The following SBF2 variants were observed in gnomAD, a reference collection of about 807,000 sequenced individuals.
The protein encoded by SBF2 is myotubularin-related protein 13.
In SBF2, 112 loss-of-function variants were observed where a neutral mutation model predicts 225.2. The observed-to-expected ratio is 0.50, with a 90% confidence interval of 0.43 to 0.58. The LOEUF (loss-of-function observed/expected upper bound fraction) is 0.58, where lower values mean the gene tolerates loss of function less well. Among genes scored for constraint, SBF2 ranks in the 20% least tolerant of loss-of-function variants. The pLI is 0.00. For missense variants in SBF2, 1,996 were observed against 2,206.2 expected (o/e 0.90, Z 1.91); for synonymous variants, 763 against 773.3 (o/e 0.99, Z 0.22).
chr11:9,970,430 T>C (rs1054682931), intron 13 of SBF2, among the ~76,000 whole-genome samples: 10 of 151,936 alleles, frequency 6.6e-5, no homozygotes, highest in African/African-American at 2.2e-4. Flanking sequence ...CGGTCTTGAT[T>C]TCCTGACCTC....
intron 3 of SBF2, 49 bp downstream of exon 3, chr11:10,042,795 C>T: frequency 6.3e-7 from 1 of 1,597,074 alleles, no homozygotes; most frequent in Non-Finnish European, 8.6e-7. Context: ...AAAAACATTC[C>T]TAAATGTTGT....
chr11:9,814,962 T>C (rs1267015850), intron 29 of SBF2, among the ~76,000 whole-genome samples: 1 of 152,152 alleles, frequency 6.6e-6, no homozygotes, highest in Non-Finnish European at 1.5e-5. Flanking sequence ...TCATGTTTCT[T>C]TGTTGGGAGA....
At chr11:10,295,274 C>T (rs967494570), upstream of SBF2, among the ~76,000 whole-genome samples, 1 of 152,146 alleles carries the variant, frequency 6.6e-6, no homozygotes, top group Admixed American at 6.5e-5. Flanking sequence ...ATAGTAGGTG[C>T]CTACAAAATA....
At chr11:9,885,209 C>T (rs1372804982) in intron 17 of SBF2, among the ~76,000 whole-genome samples, 3 of 142,894 alleles carry the variant, frequency 2.1e-5, no homozygotes, top group Non-Finnish European at 4.5e-5. Context: ...TCAGATTGCA[C>T]CACTGCACTC....
At chr11:9,872,104 T>C (rs1429640658) in intron 17 of SBF2, among the ~76,000 whole-genome samples, 1 of 152,182 alleles carries the variant, frequency 6.6e-6, no homozygotes, top group African/African-American at 2.4e-5. Context: ...ATAAAGAAAG[T>C]GTGGTATATA....
At chr11:10,123,614 A>G (rs902944121) in intron 2 of SBF2, among the ~76,000 whole-genome samples, 1 of 152,072 alleles carries the variant, frequency 6.6e-6, no homozygotes, top group African/African-American at 2.4e-5. Flanking sequence ...ATAGATCTCC[A>G]CTAGTTCCTG....
At chr11:9,873,520 A>G (rs1171527098) in intron 17 of SBF2, among the ~76,000 whole-genome samples, 1 of 152,184 alleles carries the variant, frequency 6.6e-6, no homozygotes, top group Non-Finnish European at 1.5e-5. Context: ...GCAGCAGCAT[A>G]GTTGCACAAG....
chr11:9,902,878 C>G (rs1291816938), intron 16 of SBF2, among the ~76,000 whole-genome samples: 4 of 151,534 alleles, frequency 2.6e-5, no homozygotes, highest in African/African-American at 9.7e-5. Flanking sequence ...TTAAGAATTT[C>G]TGTATTATCA....
chr11:9,918,442 C>T (rs1474266926), intron 16 of SBF2, among the ~76,000 whole-genome samples: 5 of 151,658 alleles, frequency 3.3e-5, no homozygotes, highest in Non-Finnish European at 7.4e-5. Flanking sequence ...AGCCTTGAAC[C>T]TCCCAGGCTG....
intron 17 of SBF2, among the ~76,000 whole-genome samples, chr11:9,891,925 T>C (rs1038505136): frequency 1.3e-5 from 2 of 152,176 alleles, no homozygotes; most frequent in Non-Finnish European, 2.9e-5. Context: ...TAATGAAATA[T>C]CCTGCTCATA....
intron 32 of SBF2, among the ~76,000 whole-genome samples, chr11:9,801,660 T>G (rs1198158915): frequency 1.3e-5 from 2 of 152,252 alleles, no homozygotes; most frequent in Admixed American, 1.3e-4. Context: ...GTTACATCCT[T>G]CCATATTACA....
rs143118405 is a variant in SBF2 at position 10,072,502 on chromosome 11, T to C, written c.142-29521A>G. ...TTTTTTTTCAATTAAAATTGACAAA[T>C]AGTAATAATTCTTTGATTTTTAAGA... On this transcript the variant is annotated intron_variant, in intron 2 of 39. Coordinates refer to ENST00000256190, the MANE Select transcript of SBF2 (RefSeq NM_030962.4). Among the ~76,000 whole-genome samples the C allele has an allele frequency of 2.1e-3, 326 of 152,128 alleles. 2 individuals carry two copies. Among genetic ancestry groups the C allele is most frequent in the Middle Eastern group, 0.014 (4 of 294 alleles).
intron 16 of SBF2, chr11:9,959,959 T>C (rs2134356339): frequency 3.2e-6 from 1 of 308,582 alleles, no homozygotes; most frequent in African/African-American, 2.2e-5. Flanking sequence ...AGTTAGGTTG[T>C]CTTTTTGAAA....
intron 1 of SBF2, among the ~76,000 whole-genome samples, chr11:10,197,766 G>A (rs1957430019): frequency 6.6e-6 from 1 of 152,244 alleles, no homozygotes; most frequent in African/African-American, 2.4e-5. Flanking sequence ...CTAAATTGAT[G>A]TAATATCCTA....
chr11:9,802,749 A>G (rs1355922703), intron 32 of SBF2, among the ~76,000 whole-genome samples: 2 of 152,222 alleles, frequency 1.3e-5, no homozygotes, highest in Admixed American at 1.3e-4. Context: ...ATGATGAAAC[A>G]CTACCTTATA....
At chr11:9,813,271 T>C (rs144414642) in intron 29 of SBF2, among the ~76,000 whole-genome samples, 140 of 152,286 alleles carry the variant, frequency 9.2e-4, no homozygotes, top group African/African-American at 3.2e-3. Flanking sequence ...TAGAGATAAA[T>C]ATTGAGAAAG....
chr11:9,876,831 C>T (rs1353252558), intron 17 of SBF2, among the ~76,000 whole-genome samples: 2 of 152,104 alleles, frequency 1.3e-5, no homozygotes, highest in Non-Finnish European at 2.9e-5. Flanking sequence ...CCTCTGCCTC[C>T]TTGGTTCAAC....
intron 25 of SBF2, among the ~76,000 whole-genome samples, chr11:9,840,497 T>A (rs898755006): frequency 6.6e-6 from 1 of 152,232 alleles, no homozygotes; most frequent in Non-Finnish European, 1.5e-5. Flanking sequence ...AATATAATTT[T>A]GAATTCATTA....
intron 2 of SBF2, chr11:10,044,547 G>C (rs561457777): frequency 9.2e-6 from 2 of 216,676 alleles, no homozygotes; most frequent in East Asian, 3.1e-4. Context: ...CCACCAGACT[G>C]GGAAGCAACA....
Sources: gnomAD v4.1 joint callset for allele counts (sites outside exome capture counted in the v4.1 genomes callset) on GRCh38, gnomAD v4.1.1 for gene constraint, MANE v1.5 for transcripts, NCBI Gene and HGNC (gene_info 2026-07-23, HGNC 2026-07-21) for gene names.